KLK9: variants seen among roughly 807,000 people sequenced by gnomAD.
The protein encoded by KLK9 is kallikrein-9.
A neutral mutation model predicts 23.3 loss-of-function variants in KLK9; 26 were observed. That is an observed-to-expected ratio of 1.12 (90% CI 0.82 to 1.55). The LOEUF (loss-of-function observed/expected upper bound fraction) is 1.55. Among genes scored for constraint, KLK9 ranks in the 40% most tolerant of loss-of-function variants. The pLI is 0.00. For synonymous variants in KLK9, 122 were observed against 128.5 expected, an observed-to-expected ratio of 0.95 and a Z score of 0.34; for missense variants, 346 against 333.7, an observed-to-expected ratio of 1.04 and a Z score of -0.29.
chr19:51,006,539 G>GCT lies in KLK9; in HGVS notation c.383_384dup (p.Pro129SerfsTer143). 6.2e-7 allele frequency: 1 copy of GCT among 1,613,242 alleles called. No individual in the cohort carries two copies. Among genetic ancestry groups the GCT allele is most frequent in the Non-Finnish European group, 8.5e-7 (1 of 1,179,442 alleles). On this transcript the variant is annotated frameshift_variant, in exon 3 of 5. Transcript: ENST00000594211. LOFTEE classifies it high-confidence loss of function. The surrounding 1 kb of genome is among the most constrained non-coding windows in gnomAD (Gnocchi z 4.1). ...ACACAGGTCTGGCTGAGGTTGAGGG[G>GCT]CTGCACAGCAGGACTCAGACGTGCC... is the stretch of plus-strand genomic sequence containing the variant.
chr19:51,003,720 C>A lies in KLK9; in HGVS notation c.587G>T (p.Gly196Val). 2 of 1,611,356 alleles carry A rather than the reference C, an allele frequency of 1.2e-6. No homozygotes were observed. Among genetic ancestry groups the A allele is most frequent in the Non-Finnish European group, 1.7e-6 (2 of 1,178,516 alleles). ...SMLCAGLWEG[G>V]RGSCQGDSGG... Reference sequence around the variant, plus strand: ...AGGTCTCACCTGGCAGGAACCTCGGCCCCCCTCCCACAGGCCCGCACAGAG... The same window carrying A: ...AGGTCTCACCTGGCAGGAACCTCGGACCCCCTCCCACAGGCCCGCACAGAG... Residue 196 changes from glycine (G) to valine (V), a missense_variant, in exon 4 of 5, where the codon GGC (glycine) becomes GTC (valine). Physicochemically the swap from Gly to Val is moderately radical, Grantham distance 109 (BLOSUM62 -3). Transcript: ENST00000594211.
intron 3 of KLK9, among the ~76,000 whole-genome samples, chr19:51,004,099 G>GGAGGCC (rs942746899): frequency 4.6e-5 from 7 of 152,038 alleles, no homozygotes; most frequent in Non-Finnish European, 1.0e-4. Flanking sequence ...CCAGTGTTTT[G>GGAGGCC]GAGGCCGAGG....
chr19:51,006,660 G>A lies in KLK9; in HGVS notation c.264C>T (p.Phe88=). 1 of 1,612,574 alleles carries A rather than the reference G, an allele frequency of 6.2e-7. No homozygotes were observed. Among genetic ancestry groups the A allele is most frequent in the Non-Finnish European group, 8.5e-7 (1 of 1,179,122 alleles). ...LWKWEGPEQL[F]RVTDFFPHPG... ...GGTGGGGGAAGAAGTCCGTAACCCGGAACAGCTGCTCCGGACCCTCCCATT... is the reference window on the plus strand; with the variant it reads ...GGTGGGGGAAGAAGTCCGTAACCCGAAACAGCTGCTCCGGACCCTCCCATT... The change falls in exon 3 of 5, where the codon TTC becomes TTT. Residue 88 remains phenylalanine (F), a synonymous_variant. Transcript: ENST00000594211. This position sits in a 1 kb window ranked among gnomAD's most constrained non-coding sequence, Gnocchi z 4.1.
At chr19:51,004,337 TCAAAAAAAAAAAAAAAAAAAAAAA>T (rs1297972281) in intron 3 of KLK9, among the ~76,000 whole-genome samples, 3 of 9,032 alleles carry the variant, frequency 3.3e-4, no homozygotes, top group Admixed American at 1.8e-3. Context: ...AGACTCCGTC[TCAAAAAAAAAAAAAAAAAAAAAAA>T]AAAAAAAAAA....
intron 3 of KLK9, among the ~76,000 whole-genome samples, chr19:51,004,960 G>A (rs1344163937): frequency 6.6e-6 from 1 of 152,174 alleles, no homozygotes; most frequent in Non-Finnish European, 1.5e-5. Context: ...CAGAAGTCGG[G>A]GACGGGGGCT....
chr19:51,005,722 C>CA (rs199549709), intron 3 of KLK9, among the ~76,000 whole-genome samples: 15 of 151,498 alleles, frequency 9.9e-5, no homozygotes, highest in Non-Finnish European at 1.6e-4. Flanking sequence ...TCCCCTGGAT[C>CA]AAAAAACTCC....
In KLK9 at chr19:51,006,204, G is replaced by A. The variant is rs2091254838; in HGVS notation, c.466+254C>T. Among the ~76,000 whole-genome samples, 1 of 151,668 alleles carries A rather than the reference G, an allele frequency of 6.6e-6. No homozygotes were observed. Among genetic ancestry groups the A allele is most frequent in the African/African-American group, 2.4e-5 (1 of 41,346 alleles). ...AGAAAATGGTGTTATATAATCAATGGGATCTAATGGGATCTTTCCTCCTCC... is the reference window on the plus strand; with the variant it reads ...AGAAAATGGTGTTATATAATCAATGAGATCTAATGGGATCTTTCCTCCTCC... On this transcript the variant is annotated intron_variant, in intron 3 of 4. Transcript: ENST00000594211. The surrounding 1 kb of genome is among the most constrained non-coding windows in gnomAD (Gnocchi z 4.1).
intron 4 of KLK9, among the ~76,000 whole-genome samples, 170 bp from the exon 5 acceptor site, chr19:51,003,430 C>T (rs1466546929): frequency 6.6e-6 from 1 of 152,128 alleles, no homozygotes; most frequent in Non-Finnish European, 1.5e-5. Flanking sequence ...GCTCAGAGGG[C>T]CCACCTCCCC....
In KLK9 at chr19:51,009,417, A is replaced by T; in HGVS notation, c.44-78T>A. ...AGGGAGAGGATGCTGAGAAGCCTAG[A>T]GGGCAGGAGGCAGAAGCCTGGGATG... On this transcript the variant is annotated intron_variant, in intron 1 of 4. Coordinates refer to ENST00000594211, the MANE Select transcript of KLK9 (RefSeq NM_012315.2). This position sits in a 1 kb window ranked among gnomAD's most constrained non-coding sequence, Gnocchi z 4.8. 1 of 1,550,254 alleles carries T rather than the reference A, an allele frequency of 6.5e-7. No individual in the cohort carries two copies. The highest frequency in any genetic ancestry group is 1.3e-5 in the South Asian group (1 of 79,906).
intron 3 of KLK9, among the ~76,000 whole-genome samples, chr19:51,004,176 C>T (rs193289953): frequency 2.2e-4 from 33 of 151,344 alleles, no homozygotes; most frequent in Admixed American, 6.6e-4. Context: ...CCCATCTCTG[C>T]TAAATATACA....
Position 51,009,165 on chromosome 19 carries a change from C to A in KLK9, c.200+18G>T. ...CAGCCTCTGTCCCTCCCCAGCATGGCCAGCCTGGGTCACTCACGGCTTGCG... is the reference window on the plus strand; with the variant it reads ...CAGCCTCTGTCCCTCCCCAGCATGGACAGCCTGGGTCACTCACGGCTTGCG... On this transcript the variant is annotated intron_variant, in intron 2 of 4. Transcript: ENST00000594211. The surrounding 1 kb of genome is among the most constrained non-coding windows in gnomAD (Gnocchi z 4.8). 6.2e-7 allele frequency: 1 copy of A among 1,601,798 alleles called. No individual in the cohort carries two copies. The highest frequency in any genetic ancestry group is 2.2e-5 in the East Asian group (1 of 44,558).
intron 4 of KLK9, 23 bp from the exon 5 acceptor site, chr19:51,003,283 G>A: frequency 1.2e-6 from 2 of 1,604,170 alleles, no homozygotes; most frequent in Admixed American, 3.4e-5. Flanking sequence ...GAAGGGCAGA[G>A]GAACTGTTAG....
rs2091238844 is a variant in KLK9, at chr19:51,002,894, G to T, written c.*217C>A. 1 of 514,198 alleles carries T rather than the reference G, an allele frequency of 1.9e-6. No individual in the cohort carries two copies. Among genetic ancestry groups the T allele is most frequent in the Admixed American group, 3.5e-5 (1 of 28,834 alleles). 31.9% of individuals were successfully genotyped at this position (514,198 alleles called of 1,614,324 possible). On this transcript the variant is annotated 3_prime_UTR_variant, in exon 5 of 5. Transcript: ENST00000594211. ...GACGTCATAGAGACGGGCTCTGAAG[G>T]GCGTGTCCCTGCTCCGTTCCGAGGG...
Position 51,006,072 on chromosome 19 carries a change from C to T in KLK9, c.466+386G>A, listed in dbSNP as rs370345510. On this transcript the variant is annotated intron_variant, in intron 3 of 4. Coordinates refer to ENST00000594211, the MANE Select transcript of KLK9 (RefSeq NM_012315.2). The surrounding 1 kb of genome is among the most constrained non-coding windows in gnomAD (Gnocchi z 4.1). ...CCAGGAGTTCAAAGCTGCAATGAGC[C>T]GTGATCACACCGCTGCACTCCAGCC... 6.6e-6 allele frequency among the ~76,000 whole-genome samples: 1 copy of T among 151,724 alleles called. No homozygotes were observed. The highest frequency in any genetic ancestry group is 2.1e-4 in the South Asian group (1 of 4,814).
chr19:51,007,056 G>T (rs1312857230), intron 2 of KLK9, among the ~76,000 whole-genome samples: 7 of 151,878 alleles, frequency 4.6e-5, no homozygotes, highest in South Asian at 2.1e-4. Flanking sequence ...TAGGAACGGT[G>T]TGGGCACGGG....
rs772720529 is a variant in KLK9, at chr19:51,006,511, G to A, written c.413C>T (p.Ser138Phe). The A allele has an allele frequency of 1.9e-6, 3 of 1,613,222 alleles. No homozygotes were observed. In the Admixed American group the frequency reaches 5.0e-5, roughly 27 times the overall value. ...TGAGATGAGACACTGCATGCCTGGG[G>A]AGACACAGGTCTGGCTGAGGTTGAG... ...QPLNLSQTCV[S>F]PGMQCLISGW... The change falls in exon 3 of 5, where the codon TCC (serine) becomes TTC (phenylalanine). Residue 138 changes from serine to phenylalanine, a missense_variant. Ser to Phe is a radical substitution (Grantham distance 155, BLOSUM62 -2). Coordinates refer to ENST00000594211, the MANE Select transcript of KLK9 (RefSeq NM_012315.2). This position sits in a 1 kb window ranked among gnomAD's most constrained non-coding sequence, Gnocchi z 4.1.
At position 51,006,923 on chromosome 19, in the gene KLK9, C is replaced by T. The variant is rs1449993994; in HGVS notation, c.201-200G>A. Reference sequence around the variant, plus strand: ...ACCTCCTCTGGGTCCCTGGTCCCCACTCTGATGTTTTGTGTGTCTCCATCT... The same window carrying T: ...ACCTCCTCTGGGTCCCTGGTCCCCATTCTGATGTTTTGTGTGTCTCCATCT... On this transcript the variant is annotated intron_variant, in intron 2 of 4. Transcript: ENST00000594211. This position sits in a 1 kb window ranked among gnomAD's most constrained non-coding sequence, Gnocchi z 4.1. Among the ~76,000 whole-genome samples, 2 of 151,882 alleles carry T rather than the reference C, an allele frequency of 1.3e-5. No individual in the cohort carries two copies. The highest frequency in any genetic ancestry group is 6.6e-5 in the Admixed American group (1 of 15,224).
chr19:51,007,011 T>C (rs1382594368), intron 2 of KLK9, among the ~76,000 whole-genome samples: 4 of 151,848 alleles, frequency 2.6e-5, no homozygotes, highest in Non-Finnish European at 4.4e-5. Context: ...CCTTCCTCCC[T>C]ACTCACCTGG....
At chr19:51,003,464 C>T (rs1600128844) in intron 4 of KLK9, among the ~76,000 whole-genome samples, 1 of 152,238 alleles carries the variant, frequency 6.6e-6, no homozygotes, top group East Asian at 1.9e-4. Context: ...TCCTCCTCCC[C>T]GAGGACTCAG....
Sources: gnomAD v4.1 joint callset for allele counts (sites outside exome capture counted in the v4.1 genomes callset) on GRCh38, gnomAD v4.1.1 for gene constraint, Gnocchi (gnomAD v3.1) non-coding constraint, MANE v1.5 for transcripts, NCBI Gene and HGNC (gene_info 2026-07-23, HGNC 2026-07-21) for gene names.